The following ARMC9 variants were observed in gnomAD, a reference collection of about 807,000 sequenced individuals.
ARMC9 encodes the protein armadillo repeat containing 9.
In ARMC9, 94 loss-of-function variants were observed where a neutral mutation model predicts 107.0. That is an observed-to-expected ratio of 0.88 (90% CI 0.74 to 1.04). The LOEUF (loss-of-function observed/expected upper bound fraction) is 1.04, where lower values mean the gene tolerates loss of function less well. Among genes scored for constraint, ARMC9 ranks in the 50% least tolerant of loss-of-function variants. ARMC9 has a pLI of 0.00. For synonymous variants in ARMC9, 380 were observed against 396.9 expected (o/e 0.96, Z 0.51); for missense variants, 942 against 1,030.1 (o/e 0.91, Z 1.17).
intron 3 of ARMC9, among the ~76,000 whole-genome samples, chr2:231,213,260 C>T (rs1360171315): frequency 1.3e-5 from 2 of 151,070 alleles, no homozygotes; most frequent in Middle Eastern, 6.8e-3. Flanking sequence ...ACCTCCAAGG[C>T]TCAGATGGTC....
At chr2:231,290,902 C>T (rs1574968473) in intron 17 of ARMC9, among the ~76,000 whole-genome samples, 1 of 146,908 alleles carries the variant, frequency 6.8e-6, no homozygotes, top group Non-Finnish European at 1.5e-5. Flanking sequence ...CCCAGACCAA[C>T]ATATTGCCAA....
At chr2:231,237,587 G>T (rs942455346) in intron 8 of ARMC9, among the ~76,000 whole-genome samples, 10 of 151,588 alleles carry the variant, frequency 6.6e-5, no homozygotes, top group Admixed American at 2.6e-4. Flanking sequence ...CCCCAGTAGT[G>T]TATGAGAGTG....
chr2:231,371,362 G>A (rs563507382), intron 24 of ARMC9, among the ~76,000 whole-genome samples, 151 bp from the exon 25 acceptor site: 12 of 152,058 alleles, frequency 7.9e-5, no homozygotes, highest in Non-Finnish European at 1.6e-4. Flanking sequence ...GAGCCGGCCC[G>A]CCAGTCGAGC....
At chr2:231,213,696 C>T (rs1393097681) in intron 3 of ARMC9, among the ~76,000 whole-genome samples, 3 of 151,302 alleles carry the variant, frequency 2.0e-5, no homozygotes, top group Non-Finnish European at 4.4e-5. Context: ...AGGCTGGTCT[C>T]GAACTCCTGA....
intron 1 of ARMC9, among the ~76,000 whole-genome samples, chr2:231,201,662 C>T (rs1382117271): frequency 6.6e-6 from 1 of 152,216 alleles, no homozygotes; most frequent in African/African-American, 2.4e-5. Flanking sequence ...GCTCTGCAGC[C>T]GCCTTATGTG....
chr2:231,337,274 A>G lies in ARMC9; in HGVS notation c.1878+5377A>G, dbSNP rs1252712829. Reference sequence around the variant, plus strand: ...TCAATGTCTATACGTGTGTGTGTATATATATATATATATATATTTTTTTTT... The same window carrying G: ...TCAATGTCTATACGTGTGTGTGTATGTATATATATATATATATTTTTTTTT... On this transcript the variant is annotated intron_variant, in intron 20 of 24. Transcript: ENST00000611582. Among the ~76,000 whole-genome samples, 358 of 58,132 alleles carry G rather than the reference A, an allele frequency of 6.2e-3. 6 individuals carry two copies. The highest frequency in any genetic ancestry group is 0.027 in the African/African-American group (342 of 12,788). The allele number at this position is 58,132 out of a possible 152,430, so 38.1% of individuals were successfully genotyped here. A position where few individuals can be genotyped will look rare whatever the true frequency, so the allele number is the denominator to read the frequency against.
chr2:231,303,354 C>T (rs1170404076), intron 19 of ARMC9, among the ~76,000 whole-genome samples: 1 of 152,160 alleles, frequency 6.6e-6, no homozygotes, highest in Non-Finnish European at 1.5e-5. Context: ...TATTTTCTTG[C>T]CTTGCCTGAT....
At chr2:231,271,170 C>A in intron 13 of ARMC9, 98 bp downstream of exon 13, 2 of 1,147,570 alleles carry the variant, frequency 1.7e-6, no homozygotes, top group Non-Finnish European at 2.5e-6. Context: ...TTAGAGATGA[C>A]GCTTCCTCAG....
intron 23 of ARMC9, among the ~76,000 whole-genome samples, chr2:231,364,210 C>T (rs150020820): frequency 6.6e-6 from 1 of 152,204 alleles, no homozygotes; most frequent in African/African-American, 2.4e-5. Context: ...CCCTGCCACT[C>T]CAGAAGAGCA....
chr2:231,206,232 G>A lies in ARMC9; in HGVS notation c.-7G>A. ...CTGTGAGAATTAATTACCAGTAACA[G>A]TTCAATATGGGGGACATTCTGGCTC... On this transcript the variant is annotated 5_prime_UTR_variant, in exon 2 of 25. Coordinates refer to ENST00000611582, the MANE Select transcript of ARMC9 (RefSeq NM_001352754.2). The A allele has an allele frequency of 5.0e-6, 8 of 1,613,126 alleles. No homozygotes were observed. Among genetic ancestry groups the A allele is most frequent in the Non-Finnish European group, 5.9e-6 (7 of 1,179,204 alleles).
At chr2:231,234,394 C>G (rs1246580032) in intron 7 of ARMC9, among the ~76,000 whole-genome samples, 1 of 152,162 alleles carries the variant, frequency 6.6e-6, no homozygotes, top group Non-Finnish European at 1.5e-5. Context: ...TGGTTTTATG[C>G]TTTATCAAAC....
chr2:231,204,626 CT>C (rs1463472748), intron 1 of ARMC9, among the ~76,000 whole-genome samples: 1 of 151,998 alleles, frequency 6.6e-6, no homozygotes, highest in Non-Finnish European at 1.5e-5. Context: ...AGGGGAACAC[CT>C]GTCAGGTGCT....
intron 6 of ARMC9, among the ~76,000 whole-genome samples, chr2:231,223,252 A>G (rs569316652): frequency 3.3e-5 from 5 of 152,328 alleles, no homozygotes; most frequent in African/African-American, 9.6e-5. Context: ...AAATTTACAT[A>G]CCATAAAATC....
At chr2:231,235,565 A>G (rs2035632548) in intron 8 of ARMC9, among the ~76,000 whole-genome samples, 184 bp downstream of exon 8, 1 of 152,234 alleles carries the variant, frequency 6.6e-6, no homozygotes, top group Non-Finnish European at 1.5e-5. Flanking sequence ...TACTGTTTTT[A>G]TCAAGCTGCT....
chr2:231,301,406 C>T (rs1243770612), intron 19 of ARMC9, among the ~76,000 whole-genome samples: 2 of 151,998 alleles, frequency 1.3e-5, no homozygotes, highest in African/African-American at 4.8e-5. Context: ...CCAGATTGCT[C>T]TTTTCAAAGG....
chr2:231,364,505 C>T (rs940752769), intron 23 of ARMC9, among the ~76,000 whole-genome samples: 1 of 152,200 alleles, frequency 6.6e-6, no homozygotes, highest in African/African-American at 2.4e-5. Flanking sequence ...CACATTCATG[C>T]ATCCAGCTAA....
intron 19 of ARMC9, among the ~76,000 whole-genome samples, chr2:231,328,482 A>ATTCAT (rs1282309146): frequency 6.6e-6 from 1 of 152,028 alleles, no homozygotes; most frequent in African/African-American, 2.4e-5. Context: ...TAAGTCCATG[A>ATTCAT]TTCATTTCGA....
rs181533254 is a variant in ARMC9, at chr2:231,222,218, A to G, written c.505-510A>G. ...TAAATAATTTGTTTTTAAAGGACAA[A>G]TCATGCTAAGACTATATCATAATTC... On this transcript the variant is annotated intron_variant, in intron 5 of 24. Transcript: ENST00000611582. Among the ~76,000 whole-genome samples the G allele has an allele frequency of 2.6e-3, 399 of 152,316 alleles. 7 individuals carry two copies. The highest frequency in any genetic ancestry group is 1.5e-3 in the Non-Finnish European group (100 of 68,024).
chr2:231,285,890 A>G (rs888880379), intron 17 of ARMC9, among the ~76,000 whole-genome samples: 3 of 149,140 alleles, frequency 2.0e-5, no homozygotes, highest in Admixed American at 2.0e-4. Flanking sequence ...TAAAGCCATT[A>G]TATTCTCTTT....
Sources: allele counts gnomAD v4.1 joint callset (sites outside exome capture counted in the v4.1 genomes callset), GRCh38; gene constraint gnomAD v4.1.1; transcripts MANE v1.5; gene names NCBI Gene and HGNC (gene_info 2026-07-23, HGNC 2026-07-21).